The following CUBN variants were observed in gnomAD, a reference collection of about 807,000 sequenced individuals.
The protein encoded by CUBN is cubilin.
In CUBN, 282 loss-of-function variants were observed where a neutral mutation model predicts 405.3. That is an observed-to-expected ratio of 0.70 (90% CI 0.63 to 0.77). The LOEUF (loss-of-function observed/expected upper bound fraction) is 0.77, where lower values mean the gene tolerates loss of function less well. CUBN is among the 30% of genes least tolerant of loss of function. CUBN has a pLI of 0.00. For missense variants in CUBN, 4,514 were observed against 4,475.2 expected (o/e 1.01, Z -0.25); for synonymous variants, 1,684 against 1,617.0 (o/e 1.04, Z -0.99).
chr10:17,048,411 C>G (rs965937161), intron 22 of CUBN, among the ~76,000 whole-genome samples: 1 of 152,050 alleles, frequency 6.6e-6, no homozygotes, highest in African/African-American at 2.4e-5. Flanking sequence ...TTATTACCAC[C>G]CACTCAATCT....
intron 22 of CUBN, 141 bp downstream of exon 22, chr10:17,065,367 T>C: frequency 3.9e-6 from 4 of 1,036,322 alleles, no homozygotes; most frequent in Non-Finnish European, 6.0e-6. Context: ...GGAAGGTATT[T>C]AAGTCACTAC....
intron 27 of CUBN, among the ~76,000 whole-genome samples, chr10:17,029,370 A>T (rs967208816): frequency 6.6e-5 from 10 of 152,234 alleles, no homozygotes; most frequent in African/African-American, 2.4e-4. Context: ...ATAACTAAAA[A>T]ATCACATTTT....
intron 20 of CUBN, 110 bp downstream of exon 20, chr10:17,068,495 A>C: frequency 5.8e-6 from 6 of 1,025,902 alleles, no homozygotes; most frequent in Non-Finnish European, 8.9e-6. Flanking sequence ...CTTTGAGTGT[A>C]CTTTAAAATT....
At chr10:16,962,801 A>C (rs965446915) in intron 31 of CUBN, among the ~76,000 whole-genome samples, 1 of 152,160 alleles carries the variant, frequency 6.6e-6, no homozygotes, top group African/African-American at 2.4e-5. Flanking sequence ...CCCTGTGTAC[A>C]TTCACATGAG....
intron 28 of CUBN, among the ~76,000 whole-genome samples, chr10:17,006,763 G>A (rs905733335): frequency 1.4e-5 from 2 of 144,672 alleles, no homozygotes; most frequent in Non-Finnish European, 3.1e-5. Context: ...ATGTTGACAC[G>A]GTTTTTAAAA....
intron 41 of CUBN, among the ~76,000 whole-genome samples, chr10:16,927,816 A>G (rs553077735): frequency 6.6e-6 from 1 of 152,234 alleles, no homozygotes; most frequent in Non-Finnish European, 1.5e-5. Flanking sequence ...TGAGTTATGG[A>G]TATGAGCTGT....
chr10:16,971,593 A>AT (rs2131671877), intron 31 of CUBN, among the ~76,000 whole-genome samples: 1 of 152,312 alleles, frequency 6.6e-6, no homozygotes, highest in East Asian at 1.9e-4. Flanking sequence ...AATTTATGCA[A>AT]TTTTTAACAT....
At chr10:16,827,069 G>T (rs779268477) in intron 66 of CUBN, among the ~76,000 whole-genome samples, 1 of 152,004 alleles carries the variant, frequency 6.6e-6, no homozygotes, top group Non-Finnish European at 1.5e-5. Flanking sequence ...GTGTCTGCTG[G>T]TCCTGTGATT....
At chr10:17,115,631 C>A in intron 6 of CUBN, 34 bp from the exon 7 acceptor site, 1 of 1,613,796 alleles carries the variant, frequency 6.2e-7, no homozygotes, top group Non-Finnish European at 8.5e-7. Context: ...TGTCAGGGCA[C>A]GCGCTTTGGG....
At chr10:17,022,730 A>T (rs1470997071) in intron 27 of CUBN, among the ~76,000 whole-genome samples, 1 of 152,200 alleles carries the variant, frequency 6.6e-6, no homozygotes, top group Non-Finnish European at 1.5e-5. Context: ...TTCTAAACTA[A>T]TTAGCACAGA....
intron 60 of CUBN, among the ~76,000 whole-genome samples, chr10:16,848,837 T>C (rs1302472580): frequency 6.6e-6 from 1 of 151,752 alleles, no homozygotes; most frequent in Non-Finnish European, 1.5e-5. Context: ...GAGAAGCTGG[T>C]ACCGTAGGTG....
chr10:16,899,550 A>G (rs763592138), intron 53 of CUBN, among the ~76,000 whole-genome samples: 9 of 152,180 alleles, frequency 5.9e-5, no homozygotes, highest in Admixed American at 1.3e-4. Flanking sequence ...ATTACCATTC[A>G]CACATGAGAA....
chr10:16,987,169 A>G (rs1833449527), intron 29 of CUBN, among the ~76,000 whole-genome samples: 1 of 152,224 alleles, frequency 6.6e-6, no homozygotes, highest in Admixed American at 6.5e-5. Context: ...AGACTTTCTC[A>G]GAGATTAAAG....
intron 28 of CUBN, among the ~76,000 whole-genome samples, chr10:17,004,752 C>T (rs925403327): frequency 6.6e-5 from 10 of 150,980 alleles, no homozygotes; most frequent in African/African-American, 2.4e-4. Flanking sequence ...TCACTGCAAC[C>T]TCTGCCTCCC....
intron 21 of CUBN, among the ~76,000 whole-genome samples, chr10:17,066,502 G>T (rs1484383257): frequency 6.6e-6 from 1 of 151,934 alleles, no homozygotes; most frequent in East Asian, 1.9e-4. Context: ...GAAAAAGAAA[G>T]AAAATTTGGT....
chr10:17,012,012 G>A (rs1425550770), intron 28 of CUBN, among the ~76,000 whole-genome samples: 1 of 152,180 alleles, frequency 6.6e-6, no homozygotes, highest in Non-Finnish European at 1.5e-5. Flanking sequence ...CTGGATAGGG[G>A]CAAAGAAGGG....
At chr10:16,988,106 C>G (rs1177880096) in intron 29 of CUBN, among the ~76,000 whole-genome samples, 1 of 152,198 alleles carries the variant, frequency 6.6e-6, no homozygotes, top group Non-Finnish European at 1.5e-5. Flanking sequence ...GGAACAGCCC[C>G]TGTCTCTACT....
intron 56 of CUBN, among the ~76,000 whole-genome samples, chr10:16,881,636 CA>C (rs1160941548): frequency 6.6e-6 from 1 of 152,200 alleles, no homozygotes; most frequent in Non-Finnish European, 1.5e-5. Flanking sequence ...TAATATCTGG[CA>C]ACTTATTTCA....
At chr10:16,841,702 C>T (rs548458616) in intron 60 of CUBN, among the ~76,000 whole-genome samples, 157 of 152,260 alleles carry the variant, frequency 1.0e-3, no homozygotes, top group Non-Finnish European at 1.7e-3. Context: ...ATGCTCTTCC[C>T]TGTATATCCA....
Sources: gnomAD v4.1 joint callset for allele counts (sites outside exome capture counted in the v4.1 genomes callset) on GRCh38, gnomAD v4.1.1 for gene constraint, MANE v1.5 for transcripts, NCBI Gene and HGNC (gene_info 2026-07-23, HGNC 2026-07-21) for gene names.